The following FBLN1 variants were observed in gnomAD, a reference collection of about 807,000 sequenced individuals.
FBLN1 encodes the protein fibulin 1, also known as fibulin-1.
In FBLN1, 34 loss-of-function variants were observed where a neutral mutation model predicts 89.7. That is an observed-to-expected ratio of 0.38 (90% confidence interval 0.29 to 0.50). The LOEUF is 0.50. Ranked by LOEUF, FBLN1 falls within the 20% of genes least tolerant of loss-of-function variation. FBLN1 has a pLI of 0.92. For synonymous variants in FBLN1, 393 were observed against 391.3 expected (o/e 1.00, Z -0.05); for missense variants, 777 against 988.1 (o/e 0.79, Z 2.86).
Position 45,553,842 on chromosome 22 carries a change from G to T in FBLN1, c.1697+3227G>T, listed in dbSNP as rs1010870257. Among the ~76,000 whole-genome samples, 6 of 152,124 alleles carry T rather than the reference G, an allele frequency of 3.9e-5. No individual in the cohort carries two copies. The East Asian group carries it at 7.7e-4, about 20-fold the overall frequency. On this transcript the variant is annotated intron_variant, in intron 14 of 16. Transcript: ENST00000327858. ...CGCACACCTCCCATTGCTTTCCTCC[G>T]CTTCCCTCTGGCAAAACAAATTCCA...
chr22:45,573,680 CAA>C (rs60082908), intron 14 of FBLN1, among the ~76,000 whole-genome samples: 3 of 58,962 alleles, frequency 5.1e-5, no homozygotes, highest in Admixed American at 2.3e-4. Context: ...GACTCTGTCT[CAA>C]AAAAAAAAAA....
In FBLN1 at chr22:45,542,289, T is replaced by TG. The variant is rs1157165408; in HGVS notation, c.1195+12dup. 3 of 1,613,448 alleles carry TG rather than the reference T, an allele frequency of 1.9e-6. No individual in the cohort carries two copies. The African/African-American group carries it at 4.0e-5, about 22-fold the overall frequency. ...CATCAGCAGGATGTGTGTCGGTGCG[T>TG]GGGGGGCCCCGCAGGCCTCGGGGGA... On this transcript the variant is annotated splice_region_variant and intron_variant, in intron 10 of 16. Coordinates refer to ENST00000327858, the MANE Select transcript of FBLN1 (RefSeq NM_006486.3).
chr22:45,572,769 G>T lies in FBLN1; in HGVS notation c.1698-1742G>T, dbSNP rs2088961900. Among the ~76,000 whole-genome samples the T allele has an allele frequency of 6.6e-6, 1 of 152,224 alleles. No homozygotes were observed. The highest frequency in any genetic ancestry group is 1.5e-5 in the Non-Finnish European group (1 of 68,050). Reference sequence around the variant, plus strand: ...CCTACCATCTTGCCAAAGGGACCGGGCCTGCATGGGATCAGGCCTCTGGAT... The same window carrying T: ...CCTACCATCTTGCCAAAGGGACCGGTCCTGCATGGGATCAGGCCTCTGGAT... On this transcript the variant is annotated intron_variant, in intron 14 of 16. Coordinates refer to ENST00000327858, the MANE Select transcript of FBLN1 (RefSeq NM_006486.3). This position sits in a 1 kb window ranked among gnomAD's most constrained non-coding sequence, Gnocchi z 5.8.
At chr22:45,508,573 C>T (rs1214874233) in intron 1 of FBLN1, among the ~76,000 whole-genome samples, 2 of 152,142 alleles carry the variant, frequency 1.3e-5, no homozygotes, top group Admixed American at 1.3e-4. Flanking sequence ...CCTCACGCAC[C>T]TTTAGAAGAC....
rs967246680 is a variant in FBLN1, at chr22:45,574,757, G to T, written c.1840+104G>T. 4.0e-5 allele frequency: 35 copies of T among 877,080 alleles called. No individual in the cohort carries two copies. In the Middle Eastern group the frequency reaches 6.8e-4, roughly 17 times the overall value. 54.3% of individuals were successfully genotyped at this position (877,080 alleles called of 1,614,324 possible). ...TTGTTCCTTGTAAGATGTGGCCCAG[G>T]CTTTGAAATGCAGAACTTTCTTTTT... On this transcript the variant is annotated intron_variant, in intron 15 of 16. Transcript: ENST00000327858. This position sits in a 1 kb window ranked among gnomAD's most constrained non-coding sequence, Gnocchi z 4.1.
chr22:45,541,871 C>T (rs940247139), intron 9 of FBLN1, among the ~76,000 whole-genome samples: 1 of 152,218 alleles, frequency 6.6e-6, no homozygotes, highest in Non-Finnish European at 1.5e-5. Flanking sequence ...GAGCCTTCCT[C>T]GCATAACCCC....
chr22:45,523,075 G>A, intron 2 of FBLN1: 1 of 750,924 alleles, frequency 1.3e-6, no homozygotes, highest in Non-Finnish European at 2.5e-6. Flanking sequence ...TGCTCATGGT[G>A]GGTTTATAAT....
At position 45,578,359 on chromosome 22, in the gene FBLN1, G is replaced by A. The variant is rs1269126468; in HGVS notation, c.1972+1251G>A. 6.6e-6 allele frequency: 1 copy of A among 152,206 alleles called. No homozygotes were observed. The highest frequency in any genetic ancestry group is 1.5e-5 in the Non-Finnish European group (1 of 68,036). The allele number at this position is 152,206 out of a possible 1,614,324, so 9.4% of individuals were successfully genotyped here. ...TTGTAAACATGACTGAGTCACTGGG[G>A]GGCTCCCCACCCCAGCCTCCTCCTG... On this transcript the variant is annotated intron_variant, in intron 16 of 16. Transcript: ENST00000327858. This position sits in a 1 kb window ranked among gnomAD's most constrained non-coding sequence, Gnocchi z 4.6.
chr22:45,570,363 AAAG>A (rs1393688837), intron 14 of FBLN1, among the ~76,000 whole-genome samples: 2 of 150,216 alleles, frequency 1.3e-5, no homozygotes, highest in African/African-American at 4.8e-5. Flanking sequence ...AAGAAAAAAA[AAAG>A]AAAAAGAAAA....
chr22:45,554,597 G>A (rs1282391773), intron 14 of FBLN1, among the ~76,000 whole-genome samples: 1 of 152,226 alleles, frequency 6.6e-6, no homozygotes, highest in African/African-American at 2.4e-5. Flanking sequence ...CTCGATAAAT[G>A]CCTCAAGCAA....
intron 14 of FBLN1, among the ~76,000 whole-genome samples, chr22:45,570,319 CAAAAAAAAAA>C (rs761469854): frequency 2.7e-5 from 1 of 36,444 alleles, no homozygotes; most frequent in Admixed American, 3.6e-4. Context: ...GACTCTGTCT[CAAAAAAAAAA>C]AAAAAAAAAA....
At chr22:45,523,069 C>A (rs767411071) in intron 2 of FBLN1, 1 of 744,670 alleles carries the variant, frequency 1.3e-6, no homozygotes, top group East Asian at 2.5e-5. Context: ...GGCTTCTGCT[C>A]ATGGTGGGTT....
At chr22:45,547,797 G>A (rs5764781) in intron 12 of FBLN1, among the ~76,000 whole-genome samples, 59,111 of 151,594 alleles carry the variant, frequency 0.39, 13,667 homozygotes, top group Non-Finnish European at 0.51. Context: ...TGTGCACGGC[G>A]GTAATTACAA....
chr22:45,520,966 C>G (rs890553591), intron 2 of FBLN1, among the ~76,000 whole-genome samples: 4 of 152,118 alleles, frequency 2.6e-5, no homozygotes, highest in African/African-American at 7.2e-5. Context: ...CAGGCACACA[C>G]TACCACACCA....
At chr22:45,512,843 G>C (rs1177693880) in intron 1 of FBLN1, among the ~76,000 whole-genome samples, 1 of 152,074 alleles carries the variant, frequency 6.6e-6, no homozygotes, top group African/African-American at 2.4e-5. Context: ...CTGCAAGCTT[G>C]AACTCCTGGG....
intron 3 of FBLN1, among the ~76,000 whole-genome samples, chr22:45,526,527 G>T (rs2088330588): frequency 6.8e-6 from 1 of 146,826 alleles, no homozygotes. Flanking sequence ...TGACGAAAAT[G>T]CATTCCCTGG....
intron 8 of FBLN1, 99 bp from the exon 9 acceptor site, chr22:45,541,130 C>T: frequency 3.3e-6 from 5 of 1,512,308 alleles, no homozygotes; most frequent in Non-Finnish European, 4.6e-6. Flanking sequence ...TGTGGTTTTG[C>T]AAAGAGGTGG....
At chr22:45,584,168 G>A (rs1392502821) in intron 16 of FBLN1, among the ~76,000 whole-genome samples, 2 of 152,182 alleles carry the variant, frequency 1.3e-5, no homozygotes, top group Admixed American at 6.5e-5. Flanking sequence ...TTCAGAATGC[G>A]TGCCGAGGCA....
In FBLN1 at chr22:45,572,051, C is replaced by T. The variant is rs983575023; in HGVS notation, c.1698-2460C>T. On this transcript the variant is annotated intron_variant, in intron 14 of 16. Coordinates refer to ENST00000327858, the MANE Select transcript of FBLN1 (RefSeq NM_006486.3). This position sits in a 1 kb window ranked among gnomAD's most constrained non-coding sequence, Gnocchi z 5.8. ...GGCTGAGGCAGGAGAATCACTTGAA[C>T]CCGGGAGGTGGAGGTTGCAGTGAGC... Among the ~76,000 whole-genome samples the T allele has an allele frequency of 7.2e-5, 11 of 152,128 alleles. No individual in the cohort carries two copies. Among genetic ancestry groups the T allele is most frequent in the Admixed American group, 1.3e-4 (2 of 15,260 alleles).
Sources: gnomAD v4.1 joint callset for allele counts (sites outside exome capture counted in the v4.1 genomes callset) on GRCh38, gnomAD v4.1.1 for gene constraint, Gnocchi (gnomAD v3.1) non-coding constraint, MANE v1.5 for transcripts, NCBI Gene and HGNC (gene_info 2026-07-23, HGNC 2026-07-21) for gene names.